The following LRMDA variants were observed in gnomAD, a reference collection of about 807,000 sequenced individuals.
LRMDA encodes the protein leucine-rich melanocyte differentiation-associated protein.
In LRMDA, 18 loss-of-function variants were observed where a neutral mutation model predicts 29.8. The ratio of observed to expected loss-of-function variants is 0.60; its 90% CI spans 0.42 to 0.90. The LOEUF (loss-of-function observed/expected upper bound fraction) is 0.90. LRMDA is among the 40% of genes least tolerant of loss of function. The probability of loss-of-function intolerance (pLI) is 0.00; values close to 1 mark genes in which losing one functional copy is unlikely to be tolerated. For synonymous variants in LRMDA, 125 were observed against 109.4 expected (o/e 1.14, Z -0.89); for missense variants, 273 against 273.9 (o/e 1.00, Z 0.02).
chr10:75,842,208 C>T (rs899135498), intron 2 of LRMDA, among the ~76,000 whole-genome samples: 1 of 152,176 alleles, frequency 6.6e-6, no homozygotes, highest in African/African-American at 2.4e-5. Flanking sequence ...TACTTTGTGA[C>T]AAGTGAAACT....
rs147624976 is a variant in LRMDA at position 75,757,774 on chromosome 10, G to T, written c.132-278234G>T. Among the ~76,000 whole-genome samples the T allele has an allele frequency of 5.9e-3, 889 of 151,842 alleles. 11 individuals carry two copies. The highest frequency in any genetic ancestry group is 0.021 in the African/African-American group (857 of 41,430). ...TACTCTGCATTGTAAAGTTTGTAGGGCAGATTTGCAGACAATTTTCTTTCT... is the reference window on the plus strand; with the variant it reads ...TACTCTGCATTGTAAAGTTTGTAGGTCAGATTTGCAGACAATTTTCTTTCT... On this transcript the variant is annotated intron_variant, in intron 2 of 6. Transcript: ENST00000611255.
chr10:76,203,547 A>T (rs1280876983), intron 5 of LRMDA, among the ~76,000 whole-genome samples: 1 of 152,256 alleles, frequency 6.6e-6, no homozygotes, highest in Non-Finnish European at 1.5e-5. Context: ...TTCGGAGAAG[A>T]CATTGTGAAA....
chr10:75,877,145 C>T (rs1184855426), intron 2 of LRMDA, among the ~76,000 whole-genome samples: 1 of 152,196 alleles, frequency 6.6e-6, no homozygotes. Flanking sequence ...ATCTCCAGTT[C>T]ATATTCTTCA....
At chr10:76,097,542 G>A (rs1849332040) in intron 5 of LRMDA, among the ~76,000 whole-genome samples, 2 of 152,166 alleles carry the variant, frequency 1.3e-5, no homozygotes, top group African/African-American at 4.8e-5. Context: ...TAAGTATGAA[G>A]TTAGCTATAG....
intron 2 of LRMDA, among the ~76,000 whole-genome samples, chr10:75,580,132 GTC>G (rs756489817): frequency 6.6e-6 from 1 of 152,182 alleles, no homozygotes; most frequent in African/African-American, 2.4e-5. Context: ...AAGTCAAATT[GTC>G]TCTGTTTGCA....
intron 2 of LRMDA, among the ~76,000 whole-genome samples, chr10:75,824,666 C>T (rs372013770): frequency 6.6e-6 from 1 of 152,158 alleles, no homozygotes; most frequent in Admixed American, 6.5e-5. Flanking sequence ...CCCTCTTATT[C>T]CTAAACTACT....
At chr10:75,799,790 C>T (rs1404858948) in intron 2 of LRMDA, among the ~76,000 whole-genome samples, 2 of 151,720 alleles carry the variant, frequency 1.3e-5, no homozygotes, top group African/African-American at 2.4e-5. Context: ...AAGTGATCCG[C>T]TCACCTTGAT....
At chr10:76,183,925 T>G in intron 5 of LRMDA, among the ~76,000 whole-genome samples, 1 of 152,170 alleles carries the variant, frequency 6.6e-6, no homozygotes, top group East Asian at 1.9e-4. Flanking sequence ...CTTGCTCTGT[T>G]GCCCCTAGGC....
intron 5 of LRMDA, among the ~76,000 whole-genome samples, chr10:76,151,824 A>G (rs545840647): frequency 6.6e-6 from 1 of 152,320 alleles, no homozygotes; most frequent in South Asian, 2.1e-4. Flanking sequence ...TATTATCTAC[A>G]AGCAAAAGAT....
chr10:76,528,819 G>T (rs772306728), intron 6 of LRMDA, among the ~76,000 whole-genome samples: 3 of 152,066 alleles, frequency 2.0e-5, no homozygotes, highest in Non-Finnish European at 4.4e-5. Flanking sequence ...CCAACAGACT[G>T]GCTCCCATCC....
intron 6 of LRMDA, among the ~76,000 whole-genome samples, chr10:76,350,009 AAAAG>A (rs1176301316): frequency 2.0e-5 from 3 of 152,138 alleles, no homozygotes; most frequent in African/African-American, 7.2e-5. Flanking sequence ...AATCAAAAGA[AAAAG>A]AAACCGACTG....
chr10:75,802,814 G>A (rs1171391734), intron 2 of LRMDA, among the ~76,000 whole-genome samples: 4 of 151,896 alleles, frequency 2.6e-5, no homozygotes, highest in African/African-American at 7.3e-5. Context: ...CAAATTATAA[G>A]TTAAATAAAC....
At chr10:76,554,798 G>A (rs1018790220) in intron 6 of LRMDA, among the ~76,000 whole-genome samples, 1 of 42,784 alleles carries the variant, frequency 2.3e-5, no homozygotes, top group Admixed American at 2.5e-4. Flanking sequence ...TGGAGAAAGG[G>A]AAGAAAAAAA....
intron 2 of LRMDA, among the ~76,000 whole-genome samples, chr10:75,785,149 T>A (rs1843450374): frequency 1.3e-5 from 2 of 152,236 alleles, no homozygotes; most frequent in South Asian, 4.1e-4. Context: ...CTTAGAGATG[T>A]GCATTTGTTT....
At chr10:75,905,642 T>C (rs1845746327) in intron 2 of LRMDA, among the ~76,000 whole-genome samples, 1 of 152,144 alleles carries the variant, frequency 6.6e-6, no homozygotes, top group African/African-American at 2.4e-5. Context: ...GTCTAATTTC[T>C]AGAGATTTGG....
intron 2 of LRMDA, among the ~76,000 whole-genome samples, chr10:75,572,916 T>A (rs1256369477): frequency 1.3e-5 from 2 of 152,206 alleles, no homozygotes; most frequent in Non-Finnish European, 2.9e-5. Flanking sequence ...AGAAAGGCCA[T>A]GTGAGGACAC....
chr10:75,929,805 A>C (rs913213260), intron 2 of LRMDA, among the ~76,000 whole-genome samples: 4 of 152,214 alleles, frequency 2.6e-5, no homozygotes, highest in African/African-American at 9.7e-5. Flanking sequence ...TTTCCCAAAA[A>C]TGACTAAATA....
At chr10:76,262,626 C>T (rs1465269156) in intron 5 of LRMDA, among the ~76,000 whole-genome samples, 2 of 152,244 alleles carry the variant, frequency 1.3e-5, no homozygotes, top group African/African-American at 4.8e-5. Context: ...TATTCAACAT[C>T]TTTCCTCTGC....
chr10:75,565,845 T>C (rs988919671), intron 2 of LRMDA, among the ~76,000 whole-genome samples: 4 of 152,072 alleles, frequency 2.6e-5, no homozygotes, highest in Non-Finnish European at 4.4e-5. Context: ...GAGGCCAAGG[T>C]GGATGGATGG....
Sources: gnomAD v4.1 joint callset for allele counts (sites outside exome capture counted in the v4.1 genomes callset) on GRCh38, gnomAD v4.1.1 for gene constraint, MANE v1.5 for transcripts, NCBI Gene and HGNC (gene_info 2026-07-23, HGNC 2026-07-21) for gene names.